LRP1B: variants seen among roughly 807,000 people sequenced by gnomAD.
LRP1B encodes the protein low-density lipoprotein receptor-related protein 1B.
LRP1B carries 217 observed loss-of-function variants against 556.6 expected under a neutral mutation model. That is an observed-to-expected ratio of 0.39 (90% CI 0.35 to 0.44). The LOEUF (loss-of-function observed/expected upper bound fraction) is 0.44, where lower values mean the gene tolerates loss of function less well. LRP1B is among the 20% of genes least tolerant of loss of function. The probability of loss-of-function intolerance (pLI) is 1.00; values close to 1 mark genes in which losing one functional copy is unlikely to be tolerated. For synonymous variants in LRP1B, 2,047 were observed against 1,865.8 expected, an observed-to-expected ratio of 1.10 and a Z score of -2.50; for missense variants, 5,053 against 5,620.8, an observed-to-expected ratio of 0.90 and a Z score of 3.23.
chr2:141,850,149 A>G (rs1416157291), intron 1 of LRP1B, among the ~76,000 whole-genome samples: 1 of 151,760 alleles, frequency 6.6e-6, no homozygotes, highest in African/African-American at 2.4e-5. Flanking sequence ...ATAATTTTTC[A>G]TTATTAAACC....
At chr2:140,516,862 A>T in intron 50 of LRP1B, 27 bp downstream of exon 50, 1 of 1,611,466 alleles carries the variant, frequency 6.2e-7, no homozygotes, top group Non-Finnish European at 8.5e-7. Context: ...AAGGTTAACA[A>T]AAACTAAGCT....
rs1385464693 is a variant in LRP1B at position 141,229,150 on chromosome 2, G to A, written c.850+33C>T. ...CGGGTCTGTAAATGAAATCAGTAAA[G>A]GGTGGCATATAATATTTAATTGAAA... On this transcript the variant is annotated intron_variant, in intron 6 of 90. Transcript: ENST00000389484. The A allele has an allele frequency of 1.9e-6, 3 of 1,605,450 alleles. No individual in the cohort carries two copies. The East Asian group carries it at 6.7e-5, about 36-fold the overall frequency.
At chr2:141,885,888 G>C (rs2104902967) in intron 1 of LRP1B, among the ~76,000 whole-genome samples, 1 of 152,304 alleles carries the variant, frequency 6.6e-6, no homozygotes, top group East Asian at 1.9e-4. Context: ...TAGTAAAGAA[G>C]AGTAACGGTT....
chr2:141,345,656 ATTTTT>A (rs758109848), intron 3 of LRP1B, among the ~76,000 whole-genome samples: 2 of 131,040 alleles, frequency 1.5e-5, no homozygotes, highest in Non-Finnish European at 1.6e-5. Context: ...TACCTGGCTA[ATTTTT>A]TTTTTTTTTT....
At chr2:141,548,513 C>A (rs920863312) in intron 2 of LRP1B, among the ~76,000 whole-genome samples, 2 of 152,152 alleles carry the variant, frequency 1.3e-5, no homozygotes, top group Admixed American at 1.3e-4. Context: ...ACATGCTGAC[C>A]TTTGAGGTTT....
At chr2:140,810,880 C>T (rs1490897407) in intron 32 of LRP1B, among the ~76,000 whole-genome samples, 1 of 152,006 alleles carries the variant, frequency 6.6e-6, no homozygotes, top group East Asian at 1.9e-4. Context: ...GGATTACAGG[C>T]ACCCGCTACC....
chr2:141,869,895 C>A (rs1415328987), intron 1 of LRP1B, among the ~76,000 whole-genome samples: 1 of 151,968 alleles, frequency 6.6e-6, no homozygotes, highest in Non-Finnish European at 1.5e-5. Context: ...AAACATAAAA[C>A]CCAAGAAAGT....
intron 2 of LRP1B, among the ~76,000 whole-genome samples, chr2:141,524,131 A>G (rs1329023229): frequency 6.6e-6 from 1 of 152,068 alleles, no homozygotes; most frequent in African/African-American, 2.4e-5. Flanking sequence ...TTCCTCCACT[A>G]TACTGTACCT....
At chr2:140,506,952 G>T (rs542328409) in intron 52 of LRP1B, 34 bp from the exon 53 acceptor site, 1 of 1,605,360 alleles carries the variant, frequency 6.2e-7, no homozygotes, top group Non-Finnish European at 8.5e-7. Context: ...AAAGTTAGAT[G>T]AGCACATATG....
intron 41 of LRP1B, among the ~76,000 whole-genome samples, chr2:140,694,930 T>A (rs951985518): frequency 6.6e-6 from 1 of 152,058 alleles, no homozygotes; most frequent in Non-Finnish European, 1.5e-5. Flanking sequence ...TTTTAACAAA[T>A]TTTTTTCTTA....
At chr2:140,300,950 T>C (rs1683794930) in intron 83 of LRP1B, among the ~76,000 whole-genome samples, 1 of 152,114 alleles carries the variant, frequency 6.6e-6, no homozygotes, top group Non-Finnish European at 1.5e-5. Context: ...GGACTTATTC[T>C]GTGGTTATGT....
chr2:141,163,108 T>C (rs1680107006), intron 7 of LRP1B, among the ~76,000 whole-genome samples: 1 of 152,100 alleles, frequency 6.6e-6, no homozygotes, highest in South Asian at 2.1e-4. Flanking sequence ...GCCTCAGTAA[T>C]ACTACTTTTC....
At chr2:140,811,231 T>C (rs1690913804) in intron 32 of LRP1B, among the ~76,000 whole-genome samples, 1 of 152,156 alleles carries the variant, frequency 6.6e-6, no homozygotes, top group Non-Finnish European at 1.5e-5. Context: ...AATATGGGCA[T>C]TACGATCTCA....
intron 20 of LRP1B, among the ~76,000 whole-genome samples, chr2:140,943,906 G>T (rs913179535): frequency 6.6e-6 from 1 of 151,898 alleles, no homozygotes; most frequent in Non-Finnish European, 1.5e-5. Context: ...CAGAAGAAAA[G>T]AAATAACTAA....
chr2:141,087,886 T>TTTTTAA (rs1441592807), intron 7 of LRP1B, among the ~76,000 whole-genome samples: 1 of 32,418 alleles, frequency 3.1e-5, no homozygotes, highest in Non-Finnish European at 8.8e-5. Context: ...ATATGCCTCA[T>TTTTTAA]TTGTTGTCTC....
chr2:141,521,238 T>A (rs1404022883), intron 2 of LRP1B, among the ~76,000 whole-genome samples: 2 of 152,072 alleles, frequency 1.3e-5, no homozygotes, highest in Non-Finnish European at 2.9e-5. Flanking sequence ...GTGCTACACA[T>A]AAAATTTTAA....
At chr2:140,747,006 CA>C (rs1164902541) in intron 35 of LRP1B, among the ~76,000 whole-genome samples, 4 of 152,020 alleles carry the variant, frequency 2.6e-5, no homozygotes, top group African/African-American at 9.7e-5. Context: ...AATTCAGAAT[CA>C]AAATACATGT....
intron 66 of LRP1B, among the ~76,000 whole-genome samples, chr2:140,387,173 G>A (rs968554181): frequency 6.6e-6 from 1 of 152,184 alleles, no homozygotes; most frequent in African/African-American, 2.4e-5. Context: ...ATAGTGAAGT[G>A]CTTCCAGTCT....
chr2:141,866,952 G>A (rs566490105), intron 1 of LRP1B, among the ~76,000 whole-genome samples: 1 of 152,124 alleles, frequency 6.6e-6, no homozygotes, highest in Non-Finnish European at 1.5e-5. Flanking sequence ...CAGAGTTTTT[G>A]CCATGTCAGT....
Sources: gnomAD v4.1 joint callset for allele counts (sites outside exome capture counted in the v4.1 genomes callset) on GRCh38, gnomAD v4.1.1 for gene constraint, MANE v1.5 for transcripts, NCBI Gene and HGNC (gene_info 2026-07-23, HGNC 2026-07-21) for gene names.